The following TRAPPC4 variants were observed in gnomAD, a reference collection of about 807,000 sequenced individuals.
The protein encoded by TRAPPC4 is TRS23 homolog.
TRAPPC4 carries 30 observed loss-of-function variants against 23.5 expected under a neutral mutation model. The ratio of observed to expected loss-of-function variants is 1.28; its 90% CI spans 0.96 to 1.73. The LOEUF (loss-of-function observed/expected upper bound fraction) is 1.73, where lower values mean the gene tolerates loss of function less well. TRAPPC4 is among the 40% of genes most tolerant of loss of function. The pLI is 0.00. For missense variants in TRAPPC4, 252 were observed against 268.9 expected, an observed-to-expected ratio of 0.94 and a Z score of 0.44; for synonymous variants, 129 against 105.3, an observed-to-expected ratio of 1.23 and a Z score of -1.38.
Position 119,023,517 on chromosome 11 carries a change from G to C in TRAPPC4, c.*118G>C, listed in dbSNP as rs9056. ...GTGCACTTGAAAGTGGGAGAATGCT[G>C]ACCCTGATGACTTGTACTGATTCCT... is the stretch of plus-strand genomic sequence containing the variant. On this transcript the variant is annotated 3_prime_UTR_variant, in exon 5 of 5. Coordinates refer to ENST00000533632, the MANE Select transcript of TRAPPC4 (RefSeq NM_016146.6). The C allele has an allele frequency of 0.018, 15,724 of 888,190 alleles. 1,535 individuals carry two copies. The African/African-American group carries it at 0.22, about 12-fold the overall frequency. The allele number at this position is 888,190 out of a possible 1,614,324, so 55.0% of individuals were successfully genotyped here.
intron 3 of TRAPPC4, 127 bp downstream of exon 3, chr11:119,020,380 G>A: frequency 1.5e-6 from 1 of 686,442 alleles, no homozygotes; most frequent in Non-Finnish European, 2.6e-6. Flanking sequence ...GTTGACCAAA[G>A]ACACCTTTGG....
chr11:119,019,093 G>A, intron 1 of TRAPPC4, 50 bp from the exon 2 acceptor site: 1 of 1,600,230 alleles, frequency 6.2e-7, no homozygotes, highest in East Asian at 2.2e-5. Flanking sequence ...TGTCCCCTCG[G>A]CGGAATCCCC....
rs201113160 is a variant in TRAPPC4 at position 119,019,113 on chromosome 11, C to T, written c.176-30C>T. The T allele has an allele frequency of 2.4e-5, 38 of 1,606,082 alleles. No homozygotes were observed. In the African/African-American group the frequency reaches 3.2e-4, roughly 14 times the overall value. On this transcript the variant is annotated intron_variant, in intron 1 of 4. Transcript: ENST00000533632. ...CCTCGGCGGAATCCCCGGGCTGCAC[C>T]TTCGCTGACCGTTAGCTTCACCTCT...
rs1379846031 is a variant in TRAPPC4 at position 119,023,412 on chromosome 11, A to G, written c.*13A>G. 16 of 1,613,040 alleles carry G rather than the reference A, an allele frequency of 9.9e-6. No homozygotes were observed. Among genetic ancestry groups the G allele is most frequent in the Non-Finnish European group, 1.1e-5 (13 of 1,179,204 alleles). Reference sequence around the variant, plus strand: ...ACCTGGGTCATAGGCTGAACCTGTTATGGACCCCCAAATTCTGAGAGTTCC... The same window carrying G: ...ACCTGGGTCATAGGCTGAACCTGTTGTGGACCCCCAAATTCTGAGAGTTCC... On this transcript the variant is annotated 3_prime_UTR_variant, in exon 5 of 5. Transcript: ENST00000533632.
In TRAPPC4 at chr11:119,020,236, G is replaced by T; in HGVS notation, c.437G>T (p.Cys146Phe). Residue 146 changes from cysteine (C) to phenylalanine (F), a missense_variant, in exon 3 of 5, where the codon TGC (cysteine) becomes TTC (phenylalanine). Physicochemically the swap from Cys to Phe is radical, Grantham distance 205 (BLOSUM62 -2). Transcript: ENST00000533632. ...GAGACAGACACATTCAAATTGCACT[G>T]CTACCAGACACTGACAGGTATGCAT... Reference protein sequence around the residue: ...MLETDTFKLHCYQTLTGIKFV... With the variant: ...MLETDTFKLHFYQTLTGIKFV... 1 of 1,613,282 alleles carries T rather than the reference G, an allele frequency of 6.2e-7. No homozygotes were observed.
chr11:119,021,634 A>G, intron 3 of TRAPPC4, 126 bp from the exon 4 acceptor site: 2 of 1,048,564 alleles, frequency 1.9e-6, no homozygotes, highest in Non-Finnish European at 2.7e-6. Context: ...ATTATGTGGT[A>G]AAAAGAATAA....
chr11:119,019,549 C>T (rs1442807473), intron 2 of TRAPPC4: 1 of 494,592 alleles, frequency 2.0e-6, no homozygotes, highest in South Asian at 2.4e-5. Context: ...TCAAGCGATT[C>T]TCCTGCCTCA....
chr11:119,023,304 C>T lies in TRAPPC4; in HGVS notation c.582-17C>T. ...TCAGGCCTCACACTTTTTTTCCTCA[C>T]CCTGGGCCCGGCTTAGGTGTGAGCT... On this transcript the variant is annotated splice_polypyrimidine_tract_variant and intron_variant, in intron 4 of 4. Transcript: ENST00000533632. 1.2e-6 allele frequency: 2 copies of T among 1,613,506 alleles called. No homozygotes were observed. The highest frequency in any genetic ancestry group is 1.7e-5 in the Admixed American group (1 of 59,896).
In TRAPPC4 at chr11:119,018,807, T is replaced by C. The variant is rs910502400; in HGVS notation, c.12T>C (p.Phe4=). The C allele has an allele frequency of 3.7e-6, 6 of 1,612,930 alleles. No individual in the cohort carries two copies. The African/African-American group carries it at 8.0e-5, about 22-fold the overall frequency. Residue 4 remains phenylalanine (F), a synonymous_variant, in exon 1 of 5, where the codon TTT becomes TTC. Transcript: ENST00000533632. Reference sequence around the variant, plus strand: ...GCGGCAAGGCAGCGATGGCGATTTTTAGTGTGTATGTGGTGAACAAAGCTG... The same window carrying C: ...GCGGCAAGGCAGCGATGGCGATTTTCAGTGTGTATGTGGTGAACAAAGCTG... MAI[F]SVYVVNKAGG...
At position 119,020,163 on chromosome 11, in the gene TRAPPC4, G is replaced by C. The variant is rs1282781482; in HGVS notation, c.364G>C (p.Gly122Arg). The C allele has an allele frequency of 9.3e-6, 15 of 1,613,524 alleles. No homozygotes were observed. The highest frequency in any genetic ancestry group is 1.3e-5 in the Non-Finnish European group (15 of 1,179,748). ...CTTTGCATATAGGCTCTTTGCCATC[G>C]GCTCCCAGCTGTCTCCTGAACAGGG... is the stretch of plus-strand genomic sequence containing the variant. Reference protein sequence around the residue: ...ASMFHSLFAIGSQLSPEQGSS... With the variant: ...ASMFHSLFAIRSQLSPEQGSS... The change falls in exon 3 of 5, where the codon GGC becomes CGC. Residue 122 changes from glycine (G) to arginine (R), a missense_variant. Around this residue, in one of 3 missense-constraint regions of TRAPPC4, gnomAD observed 222 missense variants for 217.8 expected, o/e 1.02. Transcript: ENST00000533632.
In TRAPPC4 at chr11:119,021,773, G is replaced by A. The variant is rs549061187; in HGVS notation, c.468G>A (p.Val156=). ...CYQTLTGIKF[V]VLADPRQAGI... ...GTCTCTCTCCAGGGATCAAGTTTGT[G>A]GTTCTAGCAGATCCTAGGCAAGCTG... is the stretch of plus-strand genomic sequence containing the variant. Residue 156 remains valine, a synonymous_variant, in exon 4 of 5, where the codon GTG becomes GTA. Coordinates refer to ENST00000533632, the MANE Select transcript of TRAPPC4 (RefSeq NM_016146.6). 6.2e-7 allele frequency: 1 copy of A among 1,614,074 alleles called. No individual in the cohort carries two copies. The highest frequency in any genetic ancestry group is 1.7e-5 in the Admixed American group (1 of 60,018).
At chr11:119,021,663 A>G (rs932372752) in intron 3 of TRAPPC4, 97 bp from the exon 4 acceptor site, 2 of 1,353,810 alleles carry the variant, frequency 1.5e-6, no homozygotes, top group Middle Eastern at 2.1e-4. Flanking sequence ...TAGGCTTATG[A>G]AAGTGTTTTG....
At chr11:119,019,091 C>T (rs550609078) in intron 1 of TRAPPC4, 52 bp from the exon 2 acceptor site, 2 of 1,598,422 alleles carry the variant, frequency 1.3e-6, no homozygotes, top group African/African-American at 1.3e-5. Context: ...CTTGTCCCCT[C>T]GGCGGAATCC....
rs782354932 is a variant in TRAPPC4, at chr11:119,019,253, A to C, written c.286A>C (p.Ile96Leu). Residue 96 changes from isoleucine to leucine, a missense_variant, in exon 2 of 5, where the codon ATT (isoleucine) becomes CTT (leucine). Around this residue, in one of 3 missense-constraint regions of TRAPPC4, gnomAD observed 222 missense variants for 217.8 expected, o/e 1.02. Transcript: ENST00000533632. ...TAACCCTGCTAATTACCCGGTGTCCATTCGATTTGGCCGGCCCCGCCTCAC... is the reference window on the plus strand; with the variant it reads ...TAACCCTGCTAATTACCCGGTGTCCCTTCGATTTGGCCGGCCCCGCCTCAC... ...LGNPANYPVS[I>L]RFGRPRLTSN... 9 of 1,614,178 alleles carry C rather than the reference A, an allele frequency of 5.6e-6. No homozygotes were observed. The highest frequency in any genetic ancestry group is 1.7e-5 in the Admixed American group (1 of 60,026).
At chr11:119,021,063 T>C (rs1943345210) in intron 3 of TRAPPC4, 1 of 152,256 alleles carries the variant, frequency 6.6e-6, no homozygotes, top group Non-Finnish European at 1.5e-5. Flanking sequence ...AATTTTTGTA[T>C]TTTTTAGGAG....
chr11:119,023,491 A>G lies in TRAPPC4; in HGVS notation c.*92A>G, dbSNP rs1943457595. Reference sequence around the variant, plus strand: ...CAGTGGAAATCCCAGCAGCCTTGTTAGTGCACTTGAAAGTGGGAGAATGCT... The same window carrying G: ...CAGTGGAAATCCCAGCAGCCTTGTTGGTGCACTTGAAAGTGGGAGAATGCT... On this transcript the variant is annotated 3_prime_UTR_variant, in exon 5 of 5. Coordinates refer to ENST00000533632, the MANE Select transcript of TRAPPC4 (RefSeq NM_016146.6). 3.2e-6 allele frequency: 4 copies of G among 1,244,942 alleles called. No individual in the cohort carries two copies. The South Asian group carries it at 3.7e-5, about 11-fold the overall frequency. The allele number at this position is 1,244,942 out of a possible 1,614,324, so 77.1% of individuals were successfully genotyped here. A position where few individuals can be genotyped will look rare whatever the true frequency, so the allele number is the denominator to read the frequency against.
At chr11:119,022,641 G>A (rs1055994373) in intron 4 of TRAPPC4, among the ~76,000 whole-genome samples, 1 of 151,998 alleles carries the variant, frequency 6.6e-6, no homozygotes, top group Admixed American at 6.6e-5. Context: ...TGTAATCCCA[G>A]CACTTTGGGA....
At position 119,018,770 on chromosome 11, in the gene TRAPPC4, A is replaced by G. The variant is rs576722217; in HGVS notation, c.-26A>G. The G allele has an allele frequency of 1.9e-5, 31 of 1,609,034 alleles. No individual in the cohort carries two copies. In the South Asian group the frequency reaches 3.3e-4, roughly 17 times the overall value. On this transcript the variant is annotated 5_prime_UTR_variant, in exon 1 of 5. The change creates a new upstream start codon in the 5' untranslated region. Transcript: ENST00000533632. The stretch of plus-strand genomic sequence containing the variant: ...AGGGGCCGTCGGGTAGAGGCTGAAT[A>G]CCAGTTTCCGAGCGGCAAGGCAGCG...
Position 119,023,400 on chromosome 11 carries a change from G to A in TRAPPC4, c.*1G>A. ...TGGAACTTTTGGACCTGGGTCATAGGCTGAACCTGTTATGGACCCCCAAAT... is the reference window on the plus strand; with the variant it reads ...TGGAACTTTTGGACCTGGGTCATAGACTGAACCTGTTATGGACCCCCAAAT... On this transcript the variant is annotated 3_prime_UTR_variant, in exon 5 of 5. Transcript: ENST00000533632. The A allele has an allele frequency of 6.2e-7, 1 of 1,613,936 alleles. No individual in the cohort carries two copies. The highest frequency in any genetic ancestry group is 8.5e-7 in the Non-Finnish European group (1 of 1,179,868).
Sources: gnomAD v4.1 joint callset for allele counts (sites outside exome capture counted in the v4.1 genomes callset) on GRCh38, gnomAD v4.1.1 for gene constraint, gnomAD v4.1.1 regional missense constraint, MANE v1.5 for transcripts, NCBI Gene and HGNC (gene_info 2026-07-23, HGNC 2026-07-21) for gene names.